Variants in CDH2 observed in about 807,000 individuals in gnomAD.
CDH2 encodes the protein cadherin-2.
Under a neutral mutation model 92.0 loss-of-function variants are expected in CDH2, and 17 were observed. That is an observed-to-expected ratio of 0.18 (90% CI 0.13 to 0.28). CDH2 has a LOEUF of 0.28. Among genes scored for constraint, CDH2 ranks in the 10% least tolerant of loss-of-function variants. CDH2 has a pLI of 1.00. For missense variants in CDH2, 862 were observed against 1,133.1 expected (o/e 0.76, Z 3.44); for synonymous variants, 419 against 415.9 (o/e 1.01, Z -0.09).
At chr18:27,954,393 T>C (rs1909607640) in intron 15 of CDH2, 1 of 152,256 alleles carries the variant, frequency 6.6e-6, no homozygotes, top group Non-Finnish European at 1.5e-5. Flanking sequence ...AACCACACTG[T>C]AAGGCTTGGC....
chr18:27,964,380 A>G (rs2011486499), intron 14 of CDH2, among the ~76,000 whole-genome samples: 1 of 152,222 alleles, frequency 6.6e-6, no homozygotes, highest in South Asian at 2.1e-4. Context: ...AGAGACTACA[A>G]TGTGGAAATA....
intron 2 of CDH2, chr18:28,045,469 C>G (rs766837922): frequency 1.7e-5 from 8 of 465,782 alleles, no homozygotes; most frequent in Non-Finnish European, 3.6e-5. Flanking sequence ...AGTCAATTCT[C>G]TCATCATGGT....
At chr18:28,141,190 AAAACAGG>A (rs1239460723) in intron 2 of CDH2, among the ~76,000 whole-genome samples, 2 of 151,918 alleles carry the variant, frequency 1.3e-5, no homozygotes, top group Non-Finnish European at 2.9e-5. Flanking sequence ...TACTCCAAAG[AAAACAGG>A]AACTCAGAAA....
chr18:27,959,653 G>C (rs995449836), intron 15 of CDH2: 1 of 152,140 alleles, frequency 6.6e-6, no homozygotes, highest in Non-Finnish European at 1.5e-5. Context: ...TACTGGCTTA[G>C]GCCTTCTGAC....
intron 1 of CDH2, among the ~76,000 whole-genome samples, chr18:28,175,255 A>G (rs770492338): frequency 6.6e-6 from 1 of 152,258 alleles, no homozygotes; most frequent in Non-Finnish European, 1.5e-5. Context: ...CCAAAACTGC[A>G]AAGGCCAAAA....
At chr18:28,138,946 T>C (rs922727940) in intron 2 of CDH2, among the ~76,000 whole-genome samples, 3 of 152,096 alleles carry the variant, frequency 2.0e-5, no homozygotes, top group Admixed American at 6.6e-5. Context: ...GGAGTGACAG[T>C]AGTATTCTTG....
chr18:27,999,499 AG>A (rs1284697384), intron 7 of CDH2, among the ~76,000 whole-genome samples: 2 of 152,158 alleles, frequency 1.3e-5, no homozygotes, highest in Non-Finnish European at 2.9e-5. Flanking sequence ...TTTGGAAAAC[AG>A]GAAGTATTTC....
intron 2 of CDH2, among the ~76,000 whole-genome samples, chr18:28,072,932 A>T (rs1244910472): frequency 1.6e-5 from 2 of 122,866 alleles, no homozygotes; most frequent in African/African-American, 6.1e-5. Context: ...AGATCTATAT[A>T]CACACATATA....
intron 2 of CDH2, among the ~76,000 whole-genome samples, chr18:28,023,687 GT>G (rs1289362180): frequency 6.6e-6 from 1 of 152,064 alleles, no homozygotes; most frequent in African/African-American, 2.4e-5. Flanking sequence ...ATCTACAGAA[GT>G]TTGTTTTGAT....
intron 2 of CDH2, among the ~76,000 whole-genome samples, chr18:28,103,294 ACTC>A (rs1439052751): frequency 1.4e-5 from 2 of 144,746 alleles, no homozygotes; most frequent in African/African-American, 5.0e-5. Flanking sequence ...ATATATAAAA[ACTC>A]CTTTATATAT....
chr18:28,093,797 A>C (rs2144217142), intron 2 of CDH2, among the ~76,000 whole-genome samples: 1 of 152,344 alleles, frequency 6.6e-6, no homozygotes, highest in South Asian at 2.1e-4. Context: ...TGTCACAAAG[A>C]GAATCATAAC....
chr18:28,106,833 G>C (rs1177481298), intron 2 of CDH2, among the ~76,000 whole-genome samples: 13 of 152,104 alleles, frequency 8.5e-5, no homozygotes, highest in Non-Finnish European at 1.5e-5. Flanking sequence ...GATATCATGA[G>C]ATAATTATTT....
chr18:28,043,465 T>TATATATATATATATATATATAA (rs2013993322), intron 2 of CDH2, among the ~76,000 whole-genome samples: 1 of 53,018 alleles, frequency 1.9e-5, no homozygotes, highest in Non-Finnish European at 4.3e-5. Flanking sequence ...TAAATAAATA[T>TATATATATATATATATATATAA]ATATATATAT....
At chr18:28,054,462 G>C (rs1219277179) in intron 2 of CDH2, among the ~76,000 whole-genome samples, 2 of 152,106 alleles carry the variant, frequency 1.3e-5, no homozygotes. Flanking sequence ...CTTACCAAAG[G>C]CAAACGGGCA....
intron 2 of CDH2, among the ~76,000 whole-genome samples, chr18:28,115,236 A>T (rs2015477540): frequency 6.6e-6 from 1 of 152,142 alleles, no homozygotes; most frequent in Non-Finnish European, 1.5e-5. Flanking sequence ...GAGATTCCTG[A>T]CAAAGATTCC....
chr18:28,123,879 T>A (rs2015632244), intron 2 of CDH2, among the ~76,000 whole-genome samples: 1 of 152,134 alleles, frequency 6.6e-6, no homozygotes, highest in East Asian at 1.9e-4. Flanking sequence ...CAATTTACAC[T>A]AAGTAGTAGA....
intron 2 of CDH2, among the ~76,000 whole-genome samples, chr18:28,099,308 T>C (rs554348874): frequency 2.0e-5 from 3 of 152,294 alleles, no homozygotes; most frequent in East Asian, 1.9e-4. Context: ...ACCTTAACCA[T>C]TGGCAGTATC....
intron 2 of CDH2, among the ~76,000 whole-genome samples, chr18:28,118,648 T>C (rs981028816): frequency 7.2e-5 from 11 of 151,970 alleles, no homozygotes; most frequent in East Asian, 3.9e-4. Context: ...ATGGGAATCA[T>C]AGCAAAATTT....
intron 2 of CDH2, among the ~76,000 whole-genome samples, chr18:28,014,600 T>G (rs186634353): frequency 1.2e-4 from 19 of 152,172 alleles, no homozygotes; most frequent in African/African-American, 3.6e-4. Context: ...AGTAACATAT[T>G]TAAAAAATTT....
Sources: allele counts gnomAD v4.1 joint callset (sites outside exome capture counted in the v4.1 genomes callset), GRCh38; gene constraint gnomAD v4.1.1; transcripts MANE v1.5; gene names NCBI Gene and HGNC (gene_info 2026-07-23, HGNC 2026-07-21).